Variants in EIF4E1B observed in about 807,000 individuals in gnomAD.
EIF4E1B encodes the protein eukaryotic translation initiation factor 4E family member 1B, also known as eukaryotic translation initiation factor 4E type 1B.
In EIF4E1B, 22 loss-of-function variants were observed where a neutral mutation model predicts 31.3. The ratio of observed to expected loss-of-function variants is 0.70; its 90% CI spans 0.50 to 1.00. EIF4E1B has a LOEUF of 1.00. Among genes scored for constraint, EIF4E1B ranks in the 50% least tolerant of loss-of-function variants. The pLI is 0.00. For synonymous variants in EIF4E1B, 126 were observed against 120.2 expected, an observed-to-expected ratio of 1.05 and a Z score of -0.31; for missense variants, 290 against 311.6, an observed-to-expected ratio of 0.93 and a Z score of 0.52.
chr5:176,642,917 G>T lies in EIF4E1B; in HGVS notation c.15+115G>T, dbSNP rs928074305. ...GTGGGTTAAAAGCTGGTAGCTGGGG[G>T]CTTTTCAGATGCTGGGTCCTCCATG... On this transcript the variant is annotated intron_variant, in intron 3 of 8. Transcript: ENST00000318682. 5 of 1,499,812 alleles carry T rather than the reference G, an allele frequency of 3.3e-6. No homozygotes were observed. In the South Asian group the frequency reaches 3.9e-5, roughly 12 times the overall value. 92.9% of individuals were successfully genotyped at this position (1,499,812 alleles called of 1,614,324 possible). A position where few individuals can be genotyped will look rare whatever the true frequency, so the allele number is the denominator to read the frequency against.
chr5:176,644,562 T>C (rs1760657464), intron 6 of EIF4E1B, 123 bp downstream of exon 6: 2 of 1,121,662 alleles, frequency 1.8e-6, no homozygotes, highest in Admixed American at 4.9e-5. Context: ...CTCAGCAGAG[T>C]TGTGGTTTCT....
intron 1 of EIF4E1B, among the ~76,000 whole-genome samples, chr5:176,636,626 C>G (rs974376085): frequency 2.0e-5 from 3 of 152,206 alleles, no homozygotes; most frequent in African/African-American, 4.8e-5. Flanking sequence ...TTCCTGCTGT[C>G]CAGAGGCCTC....
intron 5 of EIF4E1B, 136 bp downstream of exon 5, chr5:176,643,870 G>A: frequency 1.1e-6 from 1 of 876,936 alleles, no homozygotes. Context: ...TGCCCAGGGG[G>A]TATAGGGCAC....
At chr5:176,639,398 G>A (rs1463730134) in intron 1 of EIF4E1B, among the ~76,000 whole-genome samples, 1 of 152,154 alleles carries the variant, frequency 6.6e-6, no homozygotes, top group Non-Finnish European at 1.5e-5. Flanking sequence ...CCTCAGCGAG[G>A]GGCCAGGATG....
intron 1 of EIF4E1B, among the ~76,000 whole-genome samples, chr5:176,639,032 C>T (rs1760537370): frequency 6.6e-6 from 1 of 152,168 alleles, no homozygotes; most frequent in Non-Finnish European, 1.5e-5. Context: ...AACTCCTGAC[C>T]TCAGGTGATC....
At position 176,642,811 on chromosome 5, in the gene EIF4E1B, C is replaced by T. The variant is rs1290649173; in HGVS notation, c.15+9C>T. 6.4e-7 allele frequency: 1 copy of T among 1,555,448 alleles called. No individual in the cohort carries two copies. Among genetic ancestry groups the T allele is most frequent in the Non-Finnish European group, 8.7e-7 (1 of 1,150,876 alleles). ...AAATGCTTGCTGTTGAGGTAATCAG[C>T]CTGGCCTCTCTACCCCCAGTGCACC... is the stretch of plus-strand genomic sequence containing the variant. On this transcript the variant is annotated intron_variant, in intron 3 of 8. Transcript: ENST00000318682.
chr5:176,645,775 A>AT lies in EIF4E1B; in HGVS notation c.615-90dup. 2 of 1,234,828 alleles carry AT rather than the reference A, an allele frequency of 1.6e-6. No individual in the cohort carries two copies. Among genetic ancestry groups the AT allele is most frequent in the Middle Eastern group, 2.0e-4 (1 of 4,962 alleles). The allele number at this position is 1,234,828 out of a possible 1,614,324, so 76.5% of individuals were successfully genotyped here. A position where few individuals can be genotyped will look rare whatever the true frequency, so the allele number is the denominator to read the frequency against. The stretch of plus-strand genomic sequence containing the variant: ...CACAACAGGTGTGGCTGTGGCCAGA[A>AT]TGAGGGTAGGAGTCTGGTGGCCTAA... On this transcript the variant is annotated intron_variant, in intron 8 of 8. Transcript: ENST00000318682. This position sits in a 1 kb window ranked among gnomAD's most constrained non-coding sequence, Gnocchi z 5.4.
chr5:176,632,266 G>A (rs1760413366), intron 1 of EIF4E1B, among the ~76,000 whole-genome samples: 1 of 151,750 alleles, frequency 6.6e-6, no homozygotes, highest in East Asian at 1.9e-4. Flanking sequence ...TTTCTTTCTT[G>A]TTTTTTTGAG....
intron 5 of EIF4E1B, 89 bp downstream of exon 5, chr5:176,643,823 C>T: frequency 7.3e-7 from 1 of 1,378,520 alleles, no homozygotes. Flanking sequence ...TCCCTAGGGC[C>T]TTTCAGCCTT....
intron 1 of EIF4E1B, among the ~76,000 whole-genome samples, chr5:176,634,672 T>TA (rs1760465671): frequency 7.7e-6 from 1 of 130,622 alleles, no homozygotes; most frequent in African/African-American, 2.7e-5. Context: ...TTTTTTTTTT[T>TA]CTTTTTTTTT....
At chr5:176,642,849 TCTCCCC>T in intron 3 of EIF4E1B, 47 bp downstream of exon 3, 1 of 1,181,918 alleles carries the variant, frequency 8.5e-7, no homozygotes, top group African/African-American at 3.5e-5. Flanking sequence ...GGCCCCGCCC[TCTCCCC>T]CCCCCCCCCC....
intron 1 of EIF4E1B, among the ~76,000 whole-genome samples, chr5:176,637,780 G>T (rs1760518381): frequency 6.6e-6 from 1 of 152,190 alleles, no homozygotes; most frequent in South Asian, 2.1e-4. Context: ...CTCCTGCGCT[G>T]TGAGCAGAGG....
chr5:176,642,865 C>CCCCCCCCCGCCCG, intron 3 of EIF4E1B, 63 bp downstream of exon 3: 1 of 1,169,744 alleles, frequency 8.5e-7, no homozygotes, highest in Non-Finnish European at 1.1e-6. Flanking sequence ...CCCCCCCCCC[C>CCCCCCCCCGCCCG]GCCCCAGGTG....
In EIF4E1B at chr5:176,630,896, G is replaced by C. The variant is rs1297227173; in HGVS notation, c.-370G>C. The C allele has an allele frequency of 1.3e-5, 2 of 152,436 alleles. No individual in the cohort carries two copies. Among genetic ancestry groups the C allele is most frequent in the Admixed American group, 1.3e-4 (2 of 15,286 alleles). 9.4% of individuals were successfully genotyped at this position (152,436 alleles called of 1,614,324 possible). A position where few individuals can be genotyped will look rare whatever the true frequency, so the allele number is the denominator to read the frequency against. ...GAATGTTTACTGAGCGCTTAGTCCAGTGGTGCAGGTTTAAGGCTGGAGGCA... is the reference window on the plus strand; with the variant it reads ...GAATGTTTACTGAGCGCTTAGTCCACTGGTGCAGGTTTAAGGCTGGAGGCA... On this transcript the variant is annotated 5_prime_UTR_variant, in exon 1 of 9. Coordinates refer to ENST00000318682, the MANE Select transcript of EIF4E1B (RefSeq NM_001099408.2).
At chr5:176,637,209 T>G (rs145144522) in intron 1 of EIF4E1B, among the ~76,000 whole-genome samples, 1,573 of 152,160 alleles carry the variant, frequency 0.01, 32 homozygotes, top group African/African-American at 0.035. Flanking sequence ...GAGGCCGAGG[T>G]GGGCGGATCA....
chr5:176,640,924 T>A (rs1249776644), intron 1 of EIF4E1B, among the ~76,000 whole-genome samples: 1 of 152,246 alleles, frequency 6.6e-6, no homozygotes, highest in Non-Finnish European at 1.5e-5. Context: ...TTCTTGTTTA[T>A]GCTTTAGGTC....
rs756203622 is a variant in EIF4E1B at position 176,645,822 on chromosome 5, T to C, written c.615-44T>C. On this transcript the variant is annotated intron_variant, in intron 8 of 8. Coordinates refer to ENST00000318682, the MANE Select transcript of EIF4E1B (RefSeq NM_001099408.2). This position sits in a 1 kb window ranked among gnomAD's most constrained non-coding sequence, Gnocchi z 5.4. Reference sequence around the variant, plus strand: ...CTAAGTTATCTCTAGGACCCTCTGATGACTACCTGTGTCTCTTTTCCTCTG... The same window carrying C: ...CTAAGTTATCTCTAGGACCCTCTGACGACTACCTGTGTCTCTTTTCCTCTG... 6 of 1,500,092 alleles carry C rather than the reference T, an allele frequency of 4.0e-6. No individual in the cohort carries two copies. Among genetic ancestry groups the C allele is most frequent in the Admixed American group, 2.2e-5 (1 of 46,068 alleles). The allele number at this position is 1,500,092 out of a possible 1,614,324, so 92.9% of individuals were successfully genotyped here. A position where few individuals can be genotyped will look rare whatever the true frequency, so the allele number is the denominator to read the frequency against.
rs1222011029 is a variant in EIF4E1B at position 176,643,348 on chromosome 5, C to T, written c.200+82C>T. 14 of 1,486,672 alleles carry T rather than the reference C, an allele frequency of 9.4e-6. 1 individual carries two copies. The Middle Eastern group carries it at 7.4e-4, about 78-fold the overall frequency. The allele number at this position is 1,486,672 out of a possible 1,614,324, so 92.1% of individuals were successfully genotyped here. A position where few individuals can be genotyped will look rare whatever the true frequency, so the allele number is the denominator to read the frequency against. Reference sequence around the variant, plus strand: ...CTGGCAGCGTGGCCTTGGGCAACCCCGCCTCTCTTGGCCCTAGCTCTTCAT... The same window carrying T: ...CTGGCAGCGTGGCCTTGGGCAACCCTGCCTCTCTTGGCCCTAGCTCTTCAT... On this transcript the variant is annotated intron_variant, in intron 4 of 8. Coordinates refer to ENST00000318682, the MANE Select transcript of EIF4E1B (RefSeq NM_001099408.2).
In EIF4E1B at chr5:176,643,668, G is replaced by A. The variant is rs373687912; in HGVS notation, c.230G>A (p.Arg77His). 1.6e-4 allele frequency: 263 copies of A among 1,611,834 alleles called. 3 individuals carry two copies. In the South Asian group the frequency reaches 2.7e-3, roughly 16 times the overall value. Residue 77 changes from arginine (R) to histidine (H), a missense_variant, in exon 5 of 9, where the codon CGC becomes CAC. By Grantham distance (29) the Arg-to-His change is conservative (BLOSUM62 0). Transcript: ENST00000318682. Reference protein sequence around the residue: ...RWALWFFKNDRSRAWQDNLHL... With the variant: ...RWALWFFKNDHSRAWQDNLHL... ...GCTCTGTGGTTCTTCAAGAATGACC[G>A]CAGCCGGGCCTGGCAGGACAACCTG...
Sources: allele counts gnomAD v4.1 joint callset (sites outside exome capture counted in the v4.1 genomes callset), GRCh38; gene constraint gnomAD v4.1.1; non-coding constraint Gnocchi (gnomAD v3.1); transcripts MANE v1.5; gene names NCBI Gene and HGNC (gene_info 2026-07-23, HGNC 2026-07-21).